The following CNTNAP4 variants were observed in gnomAD, a reference collection of about 807,000 sequenced individuals.
CNTNAP4 encodes the protein contactin associated protein family member 4.
CNTNAP4 carries 98 observed loss-of-function variants against 148.4 expected under a neutral mutation model. The observed-to-expected ratio is 0.66, with a 90% CI of 0.56 to 0.78. The LOEUF (loss-of-function observed/expected upper bound fraction) is 0.78, where lower values mean the gene tolerates loss of function less well. Among genes scored for constraint, CNTNAP4 ranks in the 30% least tolerant of loss-of-function variants. The pLI is 0.00. For missense variants in CNTNAP4, 1,935 were observed against 1,565.6 expected (o/e 1.24, Z -3.98); for synonymous variants, 730 against 565.1 (o/e 1.29, Z -4.14).
At position 76,534,774 on chromosome 16, in the gene CNTNAP4, C is replaced by T. The variant is rs962737128; in HGVS notation, c.2756-771C>T. On this transcript the variant is annotated intron_variant, in intron 17 of 23. Coordinates refer to ENST00000611870, the MANE Select transcript of CNTNAP4 (RefSeq NM_033401.5). ...GCTCTCCGTGTGATTATGTGTTACCCATATTTCTTAAAGTTTGAGAAACTC... is the reference window on the plus strand; with the variant it reads ...GCTCTCCGTGTGATTATGTGTTACCTATATTTCTTAAAGTTTGAGAAACTC... Among the ~76,000 whole-genome samples the T allele has an allele frequency of 3.3e-5, 5 of 152,150 alleles. No individual in the cohort carries two copies. In the South Asian group the frequency reaches 1.0e-3, roughly 32 times the overall value.
In CNTNAP4 at chr16:76,331,349, G is replaced by A. The variant is rs143619390; in HGVS notation, c.196+14826G>A. ...ACTGCAGGCGCCCGCCACCATGCTC[G>A]GCTAATTTTTTGTATTTTTTAGTAG... On this transcript the variant is annotated intron_variant, in intron 2 of 23. Transcript: ENST00000611870. 5.3e-3 allele frequency among the ~76,000 whole-genome samples: 801 copies of A among 151,850 alleles called. 7 individuals carry two copies. The highest frequency in any genetic ancestry group is 0.018 in the African/African-American group (759 of 41,402).
At chr16:76,438,314 A>G (rs2079910098) in intron 4 of CNTNAP4, among the ~76,000 whole-genome samples, 1 of 152,130 alleles carries the variant, frequency 6.6e-6, no homozygotes, top group Non-Finnish European at 1.5e-5. Context: ...AAAGAGGTTT[A>G]AAAGTCTAAA....
chr16:76,447,067 G>A (rs1279054270), intron 4 of CNTNAP4, among the ~76,000 whole-genome samples: 1 of 152,116 alleles, frequency 6.6e-6, no homozygotes, highest in Non-Finnish European at 1.5e-5. Flanking sequence ...CAGCACTTTG[G>A]GTGGCTGAGG....
rs60331653 is a variant in CNTNAP4 at position 76,304,926 on chromosome 16, T to C, written c.86-11487T>C. ...TCATTTCTTGGGAATCCATCCAAAT[T>C]GTACATCAGTAGTCTGTTCACTTTT... On this transcript the variant is annotated intron_variant, in intron 1 of 23. Coordinates refer to ENST00000611870, the MANE Select transcript of CNTNAP4 (RefSeq NM_033401.5). Among the ~76,000 whole-genome samples, 1,979 of 152,324 alleles carry C rather than the reference T, an allele frequency of 0.013. 144 individuals carry two copies. In the East Asian group the frequency reaches 0.19, roughly 14 times the overall value.
intron 4 of CNTNAP4, among the ~76,000 whole-genome samples, chr16:76,430,169 T>G (rs908812166): frequency 2.6e-5 from 4 of 152,196 alleles, no homozygotes; most frequent in African/African-American, 9.6e-5. Flanking sequence ...TAAAATGTGA[T>G]ATTATATAGC....
chr16:76,432,610 G>A (rs949181586), intron 4 of CNTNAP4: 6 of 152,140 alleles, frequency 3.9e-5, no homozygotes, highest in Admixed American at 2.0e-4. Context: ...TGAAAGAGAA[G>A]TAAACAATGG....
At chr16:76,522,670 C>CTT (rs1201501081) in intron 17 of CNTNAP4, among the ~76,000 whole-genome samples, 1 of 89,992 alleles carries the variant, frequency 1.1e-5, no homozygotes, top group African/African-American at 4.5e-5. Flanking sequence ...CTCTTTCCTT[C>CTT]TTTCTCTCTT....
rs565359431 is a variant in CNTNAP4, at chr16:76,361,851, A to C, written c.390+6340A>C. ...TTGTTATCTTTTGTTTTCCTTGTTTAAATGACAGATATCCTAACAGGTGTG... is the reference window on the plus strand; with the variant it reads ...TTGTTATCTTTTGTTTTCCTTGTTTCAATGACAGATATCCTAACAGGTGTG... On this transcript the variant is annotated intron_variant, in intron 3 of 23. Transcript: ENST00000611870. Among the ~76,000 whole-genome samples, 3 of 152,146 alleles carry C rather than the reference A, an allele frequency of 2.0e-5. No homozygotes were observed. The East Asian group carries it at 5.8e-4, about 29-fold the overall frequency.
At chr16:76,413,600 G>A (rs1455224567) in intron 3 of CNTNAP4, among the ~76,000 whole-genome samples, 3 of 149,900 alleles carry the variant, frequency 2.0e-5, no homozygotes, top group Non-Finnish European at 4.5e-5. Context: ...TTCTTGAGGA[G>A]TATCTTGGTG....
At chr16:76,449,926 ATTT>A in intron 7 of CNTNAP4, 68 bp downstream of exon 7, 1 of 1,394,696 alleles carries the variant, frequency 7.2e-7, no homozygotes, top group Middle Eastern at 1.8e-4. Flanking sequence ...AAATTCCTCC[ATTT>A]TAGGTTCCCA....
At chr16:76,295,147 G>A (rs1959203498) in intron 1 of CNTNAP4, among the ~76,000 whole-genome samples, 1 of 152,146 alleles carries the variant, frequency 6.6e-6, no homozygotes, top group South Asian at 2.1e-4. Flanking sequence ...GTCACAGGCA[G>A]AACATCAGAT....
chr16:76,304,453 T>C (rs1437646815), intron 1 of CNTNAP4, among the ~76,000 whole-genome samples: 1 of 152,030 alleles, frequency 6.6e-6, no homozygotes, highest in Non-Finnish European at 1.5e-5. Flanking sequence ...GGTTGAGGGC[T>C]CTCAAGAGGT....
chr16:76,492,730 C>T (rs539626051), intron 13 of CNTNAP4, among the ~76,000 whole-genome samples: 136 of 152,308 alleles, frequency 8.9e-4, no homozygotes, highest in African/African-American at 3.1e-3. Flanking sequence ...AGCTATCTTG[C>T]TTGCCACCAT....
chr16:76,360,784 A>T (rs983691360), intron 3 of CNTNAP4, among the ~76,000 whole-genome samples: 36 of 150,806 alleles, frequency 2.4e-4, no homozygotes, highest in African/African-American at 8.3e-4. Context: ...AAAATGATTA[A>T]CCTGCTAATG....
At chr16:76,298,088 G>C (rs761760757) in intron 1 of CNTNAP4, among the ~76,000 whole-genome samples, 1 of 151,838 alleles carries the variant, frequency 6.6e-6, no homozygotes, top group Admixed American at 6.6e-5. Context: ...CATCTCTTTT[G>C]TTCTACTGCC....
At position 76,444,276 on chromosome 16, in the gene CNTNAP4, A is replaced by G. The variant is rs528894823; in HGVS notation, c.539-3736A>G. 5.3e-5 allele frequency among the ~76,000 whole-genome samples: 8 copies of G among 152,320 alleles called. No homozygotes were observed. The South Asian group carries it at 1.7e-3, about 32-fold the overall frequency. ...AAATCTACAGATTATGTTTAACTTTATAGAATCTGGCCTTAATTATTATTC... is the reference window on the plus strand; with the variant it reads ...AAATCTACAGATTATGTTTAACTTTGTAGAATCTGGCCTTAATTATTATTC... On this transcript the variant is annotated intron_variant, in intron 4 of 23. Coordinates refer to ENST00000611870, the MANE Select transcript of CNTNAP4 (RefSeq NM_033401.5).
In CNTNAP4 at chr16:76,449,808, G is replaced by A. The variant is rs530098335; in HGVS notation, c.1021G>A (p.Val341Met). ...TTTAGAAAATCTCTATTATAATGGA[G>A]TGGATATCATTGATTTGGCCAAGCA... Reference protein sequence around the residue: ...GCLENLYYNGVDIIDLAKQQK... With the variant: ...GCLENLYYNGMDIIDLAKQQK... Residue 341 changes from valine (V) to methionine (M), a missense_variant, in exon 7 of 24, where the codon GTG (valine) becomes ATG (methionine). By Grantham distance (21) the Val-to-Met change is conservative. Coordinates refer to ENST00000611870, the MANE Select transcript of CNTNAP4 (RefSeq NM_033401.5). 2 of 1,606,508 alleles carry A rather than the reference G, an allele frequency of 1.2e-6. No individual in the cohort carries two copies. Among genetic ancestry groups the A allele is most frequent in the East Asian group, 2.2e-5 (1 of 44,642 alleles).
At chr16:76,345,485 G>GA (rs1964826642) in intron 2 of CNTNAP4, among the ~76,000 whole-genome samples, 1 of 152,202 alleles carries the variant, frequency 6.6e-6, no homozygotes, top group African/African-American at 2.4e-5. Flanking sequence ...TATTGGGAGA[G>GA]GGATTGAACT....
intron 1 of CNTNAP4, among the ~76,000 whole-genome samples, chr16:76,290,845 G>A (rs1481016683): frequency 2.6e-5 from 4 of 152,110 alleles, no homozygotes; most frequent in Admixed American, 6.6e-5. Flanking sequence ...TCACAGTTCT[G>A]GAGGCCAAAA....
Sources: allele counts gnomAD v4.1 joint callset (sites outside exome capture counted in the v4.1 genomes callset), GRCh38; gene constraint gnomAD v4.1.1; transcripts MANE v1.5; gene names NCBI Gene and HGNC (gene_info 2026-07-23, HGNC 2026-07-21).